ATF2: variants seen among roughly 807,000 people sequenced by gnomAD.
ATF2 encodes the protein activating transcription factor 2.
ATF2 carries 24 observed loss-of-function variants against 60.6 expected under a neutral mutation model. That is an observed-to-expected ratio of 0.40 (90% CI 0.29 to 0.56). The LOEUF (loss-of-function observed/expected upper bound fraction) is 0.56, where lower values mean the gene tolerates loss of function less well. ATF2 is among the 20% of genes least tolerant of loss of function. The probability of loss-of-function intolerance (pLI) is 0.54; values close to 1 mark genes in which losing one functional copy is unlikely to be tolerated. For synonymous variants in ATF2, 206 were observed against 215.4 expected (o/e 0.96, Z 0.38); for missense variants, 433 against 607.7 (o/e 0.71, Z 3.02).
Position 175,082,944 on chromosome 2 carries a change from G to C in ATF2, c.1186-2179C>G, listed in dbSNP as rs190093787. Among the ~76,000 whole-genome samples the C allele has an allele frequency of 5.2e-4, 79 of 151,722 alleles. 1 individual carries two copies. The highest frequency in any genetic ancestry group is 4.6e-4 in the Non-Finnish European group (31 of 67,976). On this transcript the variant is annotated intron_variant, in intron 12 of 13. Coordinates refer to ENST00000264110, the MANE Select transcript of ATF2 (RefSeq NM_001880.4). The stretch of plus-strand genomic sequence containing the variant: ...CATAAGAATCCAACTTACAAGGGAC[G>C]TGAAGGACCTCTTCAAGGAGAACTA...
At chr2:175,093,861 A>G (rs1342858137) in intron 11 of ATF2, among the ~76,000 whole-genome samples, 2 of 152,130 alleles carry the variant, frequency 1.3e-5, no homozygotes, top group African/African-American at 2.4e-5. Flanking sequence ...TCAAGTTCTT[A>G]TATTTATTAA....
At chr2:175,090,292 CATA>C (rs1300045317) in intron 12 of ATF2, among the ~76,000 whole-genome samples, 3 of 151,726 alleles carry the variant, frequency 2.0e-5, no homozygotes, top group Non-Finnish European at 2.9e-5. Context: ...TTTCACTTAA[CATA>C]ATGTTTTGAG....
chr2:175,095,524 G>A (rs1694875274), intron 11 of ATF2, among the ~76,000 whole-genome samples: 1 of 152,272 alleles, frequency 6.6e-6, no homozygotes, highest in African/African-American at 2.4e-5. Context: ...AATAACAGAA[G>A]CTTAATTTCT....
intron 2 of ATF2, among the ~76,000 whole-genome samples, chr2:175,150,301 A>G (rs181470040): frequency 1.8e-3 from 269 of 152,264 alleles, no homozygotes; most frequent in African/African-American, 6.2e-3. Flanking sequence ...GGTGTGACAA[A>G]AAACCCAATC....
chr2:175,076,778 T>C (rs924643462), intron 13 of ATF2, among the ~76,000 whole-genome samples: 2 of 152,050 alleles, frequency 1.3e-5, no homozygotes, highest in African/African-American at 4.8e-5. Context: ...ATGTGATTTT[T>C]AAAATTTTTT....
chr2:175,129,309 G>C (rs181225314), intron 4 of ATF2, among the ~76,000 whole-genome samples: 1 of 152,132 alleles, frequency 6.6e-6, no homozygotes, highest in East Asian at 1.9e-4. Flanking sequence ...AAGGTAGGTG[G>C]GATAAGAGGA....
intron 1 of ATF2, among the ~76,000 whole-genome samples, chr2:175,164,043 TA>T (rs1296283186): frequency 1.3e-5 from 2 of 148,460 alleles, no homozygotes; most frequent in African/African-American, 4.9e-5. Context: ...TAACATTAAA[TA>T]CACCTGTAAC....
At chr2:175,094,059 C>T (rs1026755545) in intron 11 of ATF2, among the ~76,000 whole-genome samples, 1 of 151,948 alleles carries the variant, frequency 6.6e-6, no homozygotes, top group South Asian at 2.1e-4. Context: ...TTCACAAACC[C>T]CAAAACTGTG....
chr2:175,130,351 T>C (rs1697643439), intron 3 of ATF2, 144 bp from the exon 4 acceptor site: 4 of 502,110 alleles, frequency 8.0e-6, no homozygotes, highest in African/African-American at 2.0e-5. Context: ...TTTAATTCTA[T>C]CTTTCTTATT....
intron 2 of ATF2, among the ~76,000 whole-genome samples, chr2:175,149,742 C>T (rs1398242241): frequency 6.6e-6 from 1 of 152,134 alleles, no homozygotes; most frequent in Non-Finnish European, 1.5e-5. Flanking sequence ...TGACCACTAC[C>T]TCCTAACCAG....
chr2:175,075,391 C>G (rs1471498558), intron 13 of ATF2, among the ~76,000 whole-genome samples: 1 of 152,060 alleles, frequency 6.6e-6, no homozygotes, highest in African/African-American at 2.4e-5. Context: ...GGAGAACAAG[C>G]AGTATTTAGA....
intron 12 of ATF2, among the ~76,000 whole-genome samples, chr2:175,091,346 T>A (rs975147779): frequency 3.9e-5 from 6 of 152,144 alleles, no homozygotes; most frequent in African/African-American, 1.4e-4. Context: ...TAGCAGGTCA[T>A]TCAGAAGATT....
At chr2:175,143,944 C>T (rs1053250817) in intron 2 of ATF2, among the ~76,000 whole-genome samples, 3 of 151,990 alleles carry the variant, frequency 2.0e-5, no homozygotes, top group Non-Finnish European at 4.4e-5. Flanking sequence ...CAGGTGTATA[C>T]CACCATCTCC....
rs564698747 is a variant in ATF2, at chr2:175,075,212, C to T, written c.1292-377G>A. ...GTTGGCCTACATGTCATTCTTATTA[C>T]AAGATAAAAATGTATAACCACATGC... On this transcript the variant is annotated intron_variant, in intron 13 of 13. Coordinates refer to ENST00000264110, the MANE Select transcript of ATF2 (RefSeq NM_001880.4). The T allele has an allele frequency of 1.6e-5, 7 of 440,502 alleles. No homozygotes were observed. The East Asian group carries it at 5.5e-4, about 34-fold the overall frequency. 27.3% of individuals were successfully genotyped at this position (440,502 alleles called of 1,614,324 possible).
intron 2 of ATF2, among the ~76,000 whole-genome samples, chr2:175,150,158 T>C (rs906861204): frequency 6.6e-6 from 1 of 152,180 alleles, no homozygotes; most frequent in African/African-American, 2.4e-5. Flanking sequence ...GCTTTATACT[T>C]GCTTTAAAAT....
chr2:175,150,050 T>C (rs961832506), intron 2 of ATF2, among the ~76,000 whole-genome samples: 2 of 152,220 alleles, frequency 1.3e-5, no homozygotes, highest in East Asian at 1.9e-4. Flanking sequence ...TGACTGCTTC[T>C]AGTAAACTTG....
chr2:175,085,549 A>AAC (rs1405679496), intron 12 of ATF2, among the ~76,000 whole-genome samples: 10 of 74,778 alleles, frequency 1.3e-4, no homozygotes, highest in Non-Finnish European at 1.8e-4. Context: ...ATAAATACAT[A>AAC]ACATACACAC....
intron 1 of ATF2, among the ~76,000 whole-genome samples, chr2:175,165,452 A>G (rs1700292492): frequency 6.6e-6 from 1 of 152,396 alleles, no homozygotes; most frequent in African/African-American, 2.4e-5. Flanking sequence ...CTAACAATTT[A>G]CCAGACAAGA....
At chr2:175,162,731 A>T (rs956453128) in intron 1 of ATF2, among the ~76,000 whole-genome samples, 2 of 152,248 alleles carry the variant, frequency 1.3e-5, no homozygotes, top group Non-Finnish European at 2.9e-5. Flanking sequence ...TTCTGTAAAA[A>T]CTGCAATATA....
Sources: allele counts gnomAD v4.1 joint callset (sites outside exome capture counted in the v4.1 genomes callset), GRCh38; gene constraint gnomAD v4.1.1; transcripts MANE v1.5; gene names NCBI Gene and HGNC (gene_info 2026-07-23, HGNC 2026-07-21).